Variants in MGST1 observed in about 807,000 individuals in gnomAD.
MGST1 encodes microsomal glutathione S-transferase 1, also known as glutathione S-transferase 12.
Under a neutral mutation model 8.9 loss-of-function variants are expected in MGST1, and 5 were observed. The observed-to-expected ratio is 0.56, with a 90% CI of 0.29 to 1.19. The LOEUF is 1.19. Among genes scored for constraint, MGST1 ranks in the 50% most tolerant of loss-of-function variants. The pLI, the probability that MGST1 is intolerant of heterozygous loss-of-function variation, is 0.08. For missense variants in MGST1, 182 were observed against 187.4 expected, an observed-to-expected ratio of 0.97 and a Z score of 0.17; for synonymous variants, 54 against 67.8, an observed-to-expected ratio of 0.80 and a Z score of 1.00.
At chr12:16,526,082 C>T (rs1380809187) in intron 4 of MGST1, among the ~76,000 whole-genome samples, 1 of 145,240 alleles carries the variant, frequency 6.9e-6, no homozygotes, top group East Asian at 2.0e-4. Flanking sequence ...AATTTTCTCC[C>T]ATTTTGTAGG....
chr12:16,464,123 A>G (rs932268688), intron 4 of MGST1, among the ~76,000 whole-genome samples: 2 of 152,264 alleles, frequency 1.3e-5, no homozygotes, highest in Admixed American at 1.3e-4. Flanking sequence ...TTTATAAGTC[A>G]TAAGAATTAT....
intron 1 of MGST1, among the ~76,000 whole-genome samples, chr12:16,427,397 G>A (rs1202521737): frequency 1.3e-5 from 2 of 152,006 alleles, no homozygotes; most frequent in East Asian, 1.9e-4. Flanking sequence ...TGATTTTTTT[G>A]TCTGAGACAG....
At chr12:16,383,920 T>G in intron 1 of MGST1, among the ~76,000 whole-genome samples, 1 of 152,214 alleles carries the variant, frequency 6.6e-6, no homozygotes, top group East Asian at 1.9e-4. Context: ...CATACAGGTT[T>G]TTGTTGCATT....
intron 1 of MGST1, among the ~76,000 whole-genome samples, chr12:16,388,348 G>T (rs112990415): frequency 6.6e-6 from 1 of 152,062 alleles, no homozygotes; most frequent in Non-Finnish European, 1.5e-5. Context: ...GTTGCTGTGG[G>T]TGTCAGTGAG....
chr12:16,370,264 C>A (rs1940269471), intron 3 of MGST1: 1 of 152,078 alleles, frequency 6.6e-6, no homozygotes, highest in Non-Finnish European at 1.5e-5. Flanking sequence ...CAATGTGCTG[C>A]CTTAGGAAGA....
chr12:16,559,414 G>A lies in MGST1; in HGVS notation n.483-30114G>A, dbSNP rs1942307433. Reference sequence around the variant, plus strand: ...GAGATGAACTAATCCAGCTTCATATGTTACAAATGAAAAACCTGAGGTCCA... The same window carrying A: ...GAGATGAACTAATCCAGCTTCATATATTACAAATGAAAAACCTGAGGTCCA... On this transcript the variant is annotated intron_variant and non_coding_transcript_variant, in intron 4 of 4. Transcript: ENST00000538857. The surrounding 1 kb of genome is among the most constrained non-coding windows in gnomAD (Gnocchi z 4.1). 6.6e-6 allele frequency among the ~76,000 whole-genome samples: 1 copy of A among 152,044 alleles called. No homozygotes were observed. The highest frequency in any genetic ancestry group is 2.1e-4 in the South Asian group (1 of 4,828).
At position 16,559,313 on chromosome 12, in the gene MGST1, C is replaced by T. The variant is rs898357276; in HGVS notation, n.483-30215C>T. On this transcript the variant is annotated intron_variant and non_coding_transcript_variant, in intron 4 of 4. Coordinates refer to the MGST1 transcript ENST00000538857. The surrounding 1 kb of genome is among the most constrained non-coding windows in gnomAD (Gnocchi z 4.1). ...AGGTGCCAGTAGTATATAGTTTTCACAGAAATAAAAAATATAACTTTCAAT... is the reference window on the plus strand; with the variant it reads ...AGGTGCCAGTAGTATATAGTTTTCATAGAAATAAAAAATATAACTTTCAAT... 1.3e-5 allele frequency among the ~76,000 whole-genome samples: 2 copies of T among 151,954 alleles called. No homozygotes were observed. The highest frequency in any genetic ancestry group is 2.4e-5 in the African/African-American group (1 of 41,376).
chr12:16,509,534 T>C (rs1941562599), intron 4 of MGST1, among the ~76,000 whole-genome samples: 1 of 152,152 alleles, frequency 6.6e-6, no homozygotes. Context: ...CTTTAGGTAT[T>C]GTTTGAGATA....
At chr12:16,588,768 A>T (rs1943401620) in intron 4 of MGST1, among the ~76,000 whole-genome samples, 1 of 152,082 alleles carries the variant, frequency 6.6e-6, no homozygotes, top group Non-Finnish European at 1.5e-5. Context: ...CGACCTCATT[A>T]TACTAGTAGC....
At chr12:16,461,098 G>A (rs1291844954) in intron 4 of MGST1, among the ~76,000 whole-genome samples, 2 of 151,322 alleles carry the variant, frequency 1.3e-5, no homozygotes, top group Admixed American at 6.6e-5. Context: ...AGACTATAGA[G>A]TAGAGTGCTT....
chr12:16,377,832 G>A (rs1374567724), downstream of MGST1, among the ~76,000 whole-genome samples: 41 of 150,394 alleles, frequency 2.7e-4, no homozygotes, highest in South Asian at 6.8e-3. Context: ...TCTAATGATC[G>A]CCATTCTAAC....
At chr12:16,487,721 C>T (rs1423755295) in intron 4 of MGST1, among the ~76,000 whole-genome samples, 1 of 152,012 alleles carries the variant, frequency 6.6e-6, no homozygotes, top group African/African-American at 2.4e-5. Flanking sequence ...GATCGTAGCT[C>T]ACTGCAGCCT....
At chr12:16,564,148 T>TATCTA (rs1313754202) in intron 4 of MGST1, among the ~76,000 whole-genome samples, 1 of 152,206 alleles carries the variant, frequency 6.6e-6, no homozygotes, top group Non-Finnish European at 1.5e-5. Flanking sequence ...TCATTTTGTC[T>TATCTA]ATCTAAAAAC....
rs1014500130 is a variant in MGST1, at chr12:16,585,061, G to C, written n.483-4467G>C. ...CTGAAATATCTAGAAAAAATATCTG[G>C]TTTATCCAGAAAAATCAGCAACATT... On this transcript the variant is annotated intron_variant and non_coding_transcript_variant, in intron 4 of 4. Transcript: ENST00000538857. The surrounding 1 kb of genome is among the most constrained non-coding windows in gnomAD (Gnocchi z 4.7). Among the ~76,000 whole-genome samples the C allele has an allele frequency of 2.0e-5, 3 of 152,102 alleles. No homozygotes were observed. Among genetic ancestry groups the C allele is most frequent in the African/African-American group, 7.2e-5 (3 of 41,420 alleles).
At chr12:16,549,276 T>A (rs1941901112) in intron 4 of MGST1, 1 of 152,170 alleles carries the variant, frequency 6.6e-6, no homozygotes. Context: ...ATAATAGTTA[T>A]TTTTGTGGGC....
downstream of MGST1, among the ~76,000 whole-genome samples, chr12:16,365,618 T>C (rs1238363673): frequency 6.6e-6 from 1 of 152,228 alleles, no homozygotes; most frequent in Admixed American, 6.5e-5. Context: ...CAGCTTTGCA[T>C]GCTGTGGATC....
chr12:16,554,901 G>T (rs1447984876), intron 4 of MGST1, among the ~76,000 whole-genome samples: 4 of 151,954 alleles, frequency 2.6e-5, no homozygotes, highest in Admixed American at 1.3e-4. Flanking sequence ...CTCGTGATCC[G>T]CCCGCCCGCC....
chr12:16,470,961 T>G (rs1226839999), intron 4 of MGST1, among the ~76,000 whole-genome samples: 1 of 152,220 alleles, frequency 6.6e-6, no homozygotes, highest in Non-Finnish European at 1.5e-5. Flanking sequence ...GATTTAATTT[T>G]TACTTCTTTT....
intron 1 of MGST1, among the ~76,000 whole-genome samples, chr12:16,416,615 C>T (rs936162327): frequency 6.6e-6 from 1 of 152,110 alleles, no homozygotes; most frequent in African/African-American, 2.4e-5. Flanking sequence ...ATGAGGGCTC[C>T]ATCTTTATCT....
Sources: gnomAD v4.1 joint callset for allele counts (sites outside exome capture counted in the v4.1 genomes callset) on GRCh38, gnomAD v4.1.1 for gene constraint, Gnocchi (gnomAD v3.1) non-coding constraint, MANE v1.5 for transcripts, NCBI Gene and HGNC (gene_info 2026-07-23, HGNC 2026-07-21) for gene names.